The following MCPH1 variants were observed in gnomAD, a reference collection of about 807,000 sequenced individuals.
MCPH1 encodes microcephalin 1, also known as microcephalin.
MCPH1 carries 104 observed loss-of-function variants against 84.5 expected under a neutral mutation model. The ratio of observed to expected loss-of-function variants is 1.23; its 90% CI spans 1.05 to 1.45. The LOEUF is 1.45. Ranked by LOEUF, MCPH1 falls within the 40% of genes most tolerant of loss-of-function variation. MCPH1 has a pLI of 0.00. For synonymous variants in MCPH1, 514 were observed against 366.8 expected, an observed-to-expected ratio of 1.40 and a Z score of -4.58; for missense variants, 1,498 against 1,005.7, an observed-to-expected ratio of 1.49 and a Z score of -6.62.
intron 12 of MCPH1, among the ~76,000 whole-genome samples, chr8:6,614,937 ATCTGTCC>A (rs1277565240): frequency 2.7e-5 from 4 of 149,860 alleles, no homozygotes; most frequent in African/African-American, 9.9e-5. Context: ...CAACCCCTCC[ATCTGTCC>A]TCCACGTTGT....
intron 12 of MCPH1, among the ~76,000 whole-genome samples, chr8:6,586,502 G>A (rs1827993154): frequency 6.6e-6 from 1 of 152,186 alleles, no homozygotes; most frequent in Non-Finnish European, 1.5e-5. Flanking sequence ...TGCAGTGCGT[G>A]TCTTTATGTG....
rs10548398 is a variant in MCPH1, at chr8:6,570,803, GTTTT to G, written c.2215-50631_2215-50628del. ...TGACATTTGGAGCAGATGGATTGTT[GTTTT>G]TTTTTTTTTTTTTTTTTTTAACAAA... On this transcript the variant is annotated intron_variant, in intron 12 of 13. Transcript: ENST00000344683. 6.5e-3 allele frequency among the ~76,000 whole-genome samples: 707 copies of G among 108,704 alleles called. 7 individuals are homozygous for G. The highest frequency in any genetic ancestry group is 0.018 in the African/African-American group (579 of 31,562). 71.3% of individuals were successfully genotyped at this position (108,704 alleles called of 152,430 possible).
intron 12 of MCPH1, chr8:6,619,308 T>G (rs1831171559): frequency 6.6e-6 from 1 of 152,306 alleles, no homozygotes; most frequent in African/African-American, 2.4e-5. Flanking sequence ...TTTTATTGTT[T>G]GAGACAGAGT....
intron 12 of MCPH1, among the ~76,000 whole-genome samples, chr8:6,519,160 G>C (rs1048331616): frequency 7.2e-5 from 11 of 152,330 alleles, no homozygotes; most frequent in African/African-American, 2.4e-4. Flanking sequence ...GACTGCGTTA[G>C]ATGAGGTTAG....
rs36045217 is a variant in MCPH1, at chr8:6,513,312, A to AT, written c.2214+13393dup. On this transcript the variant is annotated intron_variant, in intron 12 of 13. Coordinates refer to ENST00000344683, the MANE Select transcript of MCPH1 (RefSeq NM_024596.5). ...GAATAGTCACCCAGCAAACCTTTTA[A>AT]TTTTTTTTTTCTTTTTCTTTTTCTT... Among the ~76,000 whole-genome samples, 16 of 146,678 alleles carry AT rather than the reference A, an allele frequency of 1.1e-4. No homozygotes were observed. The East Asian group carries it at 1.8e-3, about 17-fold the overall frequency.
At chr8:6,609,254 G>T (rs949377617) in intron 12 of MCPH1, among the ~76,000 whole-genome samples, 1 of 152,210 alleles carries the variant, frequency 6.6e-6, no homozygotes, top group Non-Finnish European at 1.5e-5. Context: ...ACTAGTTCAC[G>T]CAGTTACCAC....
At chr8:6,413,261 G>T (rs1249394759) in intron 2 of MCPH1, among the ~76,000 whole-genome samples, 1 of 8,348 alleles carries the variant, frequency 1.2e-4, no homozygotes, top group African/African-American at 1.4e-4. Flanking sequence ...GACTGATTCA[G>T]TTGTCACTTA....
chr8:6,503,375 C>T, intron 12 of MCPH1: 3 of 1,042,002 alleles, frequency 2.9e-6, no homozygotes, highest in African/African-American at 1.6e-5. Context: ...GGAGTAGGCA[C>T]ATGCAGATGA....
intron 12 of MCPH1, among the ~76,000 whole-genome samples, chr8:6,613,876 T>A (rs1035138404): frequency 4.6e-5 from 7 of 152,148 alleles, no homozygotes; most frequent in African/African-American, 1.7e-4. Context: ...GAAGACTTGA[T>A]GCAGAGTTTC....
intron 13 of MCPH1, among the ~76,000 whole-genome samples, chr8:6,623,709 A>C (rs1305582021): frequency 1.6e-4 from 1 of 6,138 alleles, no homozygotes; most frequent in East Asian, 3.5e-3. Flanking sequence ...AAAAAAAAAA[A>C]AAAAAAAAAC....
At chr8:6,552,063 C>G (rs1823743786) in intron 12 of MCPH1, among the ~76,000 whole-genome samples, 1 of 152,176 alleles carries the variant, frequency 6.6e-6, no homozygotes, top group African/African-American at 2.4e-5. Flanking sequence ...AAAATGCTGT[C>G]AGGAACCCAA....
intron 12 of MCPH1, among the ~76,000 whole-genome samples, chr8:6,515,991 C>G (rs1816197363): frequency 6.6e-6 from 1 of 152,192 alleles, no homozygotes; most frequent in African/African-American, 2.4e-5. Flanking sequence ...AACCAGAGAA[C>G]TGTCCCTGGA....
chr8:6,517,817 T>C (rs1816561680), intron 12 of MCPH1, among the ~76,000 whole-genome samples: 1 of 152,166 alleles, frequency 6.6e-6, no homozygotes, highest in South Asian at 2.1e-4. Context: ...AGTCTGTCTA[T>C]CTCTCCCTGG....
At chr8:6,419,794 C>G (rs79272351) in intron 3 of MCPH1, among the ~76,000 whole-genome samples, 3 of 152,104 alleles carry the variant, frequency 2.0e-5, no homozygotes, top group Non-Finnish European at 4.4e-5. Flanking sequence ...CCACTGCACC[C>G]AGCTGATAAT....
chr8:6,435,573 T>C (rs1048710634), intron 4 of MCPH1, among the ~76,000 whole-genome samples: 3 of 152,180 alleles, frequency 2.0e-5, no homozygotes, highest in African/African-American at 7.2e-5. Context: ...ACTCCTTAAT[T>C]TGGCCCCCGT....
At chr8:6,436,296 C>A in intron 5 of MCPH1, 134 bp downstream of exon 5, 5 of 1,017,764 alleles carry the variant, frequency 4.9e-6, no homozygotes, top group South Asian at 1.7e-5. Flanking sequence ...AAGGAGAAAA[C>A]AAAATGTCAG....
intron 12 of MCPH1, among the ~76,000 whole-genome samples, chr8:6,593,888 A>G (rs558707513): frequency 7.7e-4 from 118 of 152,296 alleles, no homozygotes; most frequent in Non-Finnish European, 1.2e-3. Flanking sequence ...CTTCCTTCTT[A>G]TGCAAAAGTG....
chr8:6,452,526 C>T (rs1235148409), intron 8 of MCPH1, among the ~76,000 whole-genome samples: 1 of 152,174 alleles, frequency 6.6e-6, no homozygotes, highest in Non-Finnish European at 1.5e-5. Context: ...ATGCTGTGGA[C>T]CAAATTGTGT....
At chr8:6,487,407 A>T (rs558423192) in intron 11 of MCPH1, among the ~76,000 whole-genome samples, 1 of 152,344 alleles carries the variant, frequency 6.6e-6, no homozygotes, top group East Asian at 1.9e-4. Flanking sequence ...CTCATTTTAC[A>T]TTAAAGAAAT....
Sources: gnomAD v4.1 joint callset for allele counts (sites outside exome capture counted in the v4.1 genomes callset) on GRCh38, gnomAD v4.1.1 for gene constraint, MANE v1.5 for transcripts, NCBI Gene and HGNC (gene_info 2026-07-23, HGNC 2026-07-21) for gene names.